The following AKAP13 variants were observed in gnomAD, a reference collection of about 807,000 sequenced individuals.
The protein encoded by AKAP13 is A-kinase anchoring protein 13, also known as A-kinase anchor protein 13.
In AKAP13, 80 loss-of-function variants were observed where a neutral mutation model predicts 264.5. The ratio of observed to expected loss-of-function variants is 0.30; its 90% confidence interval spans 0.25 to 0.36. The LOEUF (loss-of-function observed/expected upper bound fraction) is 0.36, where lower values mean the gene tolerates loss of function less well. AKAP13 is among the 10% of genes least tolerant of loss of function. AKAP13 has a pLI of 1.00. For synonymous variants in AKAP13, 1,380 were observed against 1,250.2 expected (o/e 1.10, Z -2.19); for missense variants, 3,712 against 3,435.2 (o/e 1.08, Z -2.01).
intron 1 of AKAP13, among the ~76,000 whole-genome samples, chr15:85,436,472 A>G (rs2073301317): frequency 2.0e-5 from 3 of 146,508 alleles, no homozygotes; most frequent in South Asian, 2.3e-4. Context: ...CGGACCTAAT[A>G]GACATCTACA....
intron 4 of AKAP13, chr15:85,536,954 G>A (rs1027985442): frequency 2.0e-5 from 3 of 152,044 alleles, no homozygotes; most frequent in Non-Finnish European, 4.4e-5. Flanking sequence ...ATCCCCTAAA[G>A]GTGAATTTTA....
chr15:85,544,307 A>T (rs1323698255), intron 5 of AKAP13, among the ~76,000 whole-genome samples: 1 of 152,220 alleles, frequency 6.6e-6, no homozygotes, highest in African/African-American at 2.4e-5. Flanking sequence ...TACAAGAGGA[A>T]ACAGATTTCC....
intron 10 of AKAP13, chr15:85,651,379 G>A (rs1368616415): frequency 2.0e-5 from 3 of 152,060 alleles, no homozygotes; most frequent in African/African-American, 7.2e-5. Flanking sequence ...AATTCTTTGA[G>A]GCAAGTTACA....
intron 14 of AKAP13, among the ~76,000 whole-genome samples, chr15:85,676,537 A>G (rs1196289303): frequency 6.6e-6 from 1 of 152,206 alleles, no homozygotes; most frequent in Admixed American, 6.5e-5. Context: ...ATGAGCCTAG[A>G]TCTAAACAGA....
intron 25 of AKAP13, 61 bp downstream of exon 25, chr15:85,722,408 G>C: frequency 7.4e-7 from 1 of 1,357,966 alleles, no homozygotes; most frequent in Non-Finnish European, 1.0e-6. Context: ...GTGGCCAGTA[G>C]TACTGGAAGC....
intron 8 of AKAP13, among the ~76,000 whole-genome samples, chr15:85,628,064 C>G (rs548736209): frequency 3.2e-4 from 49 of 152,280 alleles, no homozygotes; most frequent in African/African-American, 1.0e-3. Flanking sequence ...TTGTATTACA[C>G]AAATTAATCA....
At chr15:85,387,595 G>GCCTGTA (rs2070640537) in intron 1 of AKAP13, among the ~76,000 whole-genome samples, 1 of 152,168 alleles carries the variant, frequency 6.6e-6, no homozygotes, top group Admixed American at 6.5e-5. Context: ...AAAGTGTAGG[G>GCCTGTA]ATTACAGGCA....
At chr15:85,483,743 A>G (rs35570291) in intron 1 of AKAP13, among the ~76,000 whole-genome samples, 37,007 of 150,634 alleles carry the variant, frequency 0.25, 5,969 homozygotes, top group Middle Eastern at 0.41. Context: ...CCCAGAAGGC[A>G]GAGGTTGCAG....
intron 3 of AKAP13, among the ~76,000 whole-genome samples, chr15:85,524,435 A>G (rs2151165211): frequency 6.6e-6 from 1 of 151,904 alleles, no homozygotes; most frequent in Non-Finnish European, 1.5e-5. Flanking sequence ...CGGCCTCCCA[A>G]AGTGCTGGGA....
chr15:85,397,925 T>A (rs1283074666), intron 1 of AKAP13, among the ~76,000 whole-genome samples: 1 of 152,236 alleles, frequency 6.6e-6, no homozygotes, highest in Admixed American at 6.5e-5. Flanking sequence ...TAGTAAGTAC[T>A]CTACAAACCC....
At chr15:85,542,569 G>GA (rs1479766792) in intron 4 of AKAP13, among the ~76,000 whole-genome samples, 2 of 152,162 alleles carry the variant, frequency 1.3e-5, no homozygotes, top group Non-Finnish European at 2.9e-5. Context: ...AGACCCGTGG[G>GA]AGGCCATGAA....
chr15:85,493,639 A>G (rs776297584), intron 2 of AKAP13, among the ~76,000 whole-genome samples: 19 of 152,128 alleles, frequency 1.2e-4, no homozygotes, highest in Non-Finnish European at 1.3e-4. Context: ...TCCAGTCCTG[A>G]ATTATCTTAG....
Position 85,745,978 on chromosome 15 carries a change from G to A in AKAP13, c.*1301G>A, listed in dbSNP as rs983410074. On this transcript the variant is annotated 3_prime_UTR_variant, in exon 37 of 37. Coordinates refer to ENST00000394518, the MANE Select transcript of AKAP13 (RefSeq NM_007200.5). ...GCTTTGCTTTTGCTTTTCCCACCGT[G>A]TTTTCATCTTTGTTCACTTGAGGCT... The A allele has an allele frequency of 6.6e-6, 1 of 152,538 alleles. No homozygotes were observed. Among genetic ancestry groups the A allele is most frequent in the South Asian group, 2.1e-4 (1 of 4,828 alleles). The allele number at this position is 152,538 out of a possible 1,614,324, so 9.4% of individuals were successfully genotyped here. A position where few individuals can be genotyped will look rare whatever the true frequency, so the allele number is the denominator to read the frequency against.
At chr15:85,664,961 G>A (rs1258277480) in intron 13 of AKAP13, among the ~76,000 whole-genome samples, 1 of 152,124 alleles carries the variant, frequency 6.6e-6, no homozygotes. Flanking sequence ...AGTGCTTTGG[G>A]AGGTTGAGGC....
intron 8 of AKAP13, among the ~76,000 whole-genome samples, chr15:85,626,702 A>AT (rs1393980907): frequency 7.9e-5 from 12 of 152,228 alleles, no homozygotes; most frequent in Non-Finnish European, 1.8e-4. Context: ...TGTTATGAGC[A>AT]TTGGTATACA....
chr15:85,455,794 A>G (rs956030909), intron 1 of AKAP13, among the ~76,000 whole-genome samples: 11 of 152,122 alleles, frequency 7.2e-5, no homozygotes, highest in Admixed American at 5.9e-4. Context: ...AATAGATTAC[A>G]GATTGTTGAA....
At chr15:85,386,901 G>T (rs1455702621) in intron 1 of AKAP13, among the ~76,000 whole-genome samples, 1 of 151,996 alleles carries the variant, frequency 6.6e-6, no homozygotes, top group Non-Finnish European at 1.5e-5. Flanking sequence ...TTTAAAATCA[G>T]GTAGTGTGAG....
At chr15:85,681,914 G>T (rs956431366) in intron 14 of AKAP13, among the ~76,000 whole-genome samples, 10 of 152,082 alleles carry the variant, frequency 6.6e-5, no homozygotes, top group African/African-American at 2.4e-4. Context: ...AGTCTTTTTA[G>T]TTACTTGAAT....
intron 5 of AKAP13, among the ~76,000 whole-genome samples, chr15:85,571,861 C>A (rs918704246): frequency 2.0e-5 from 3 of 152,152 alleles, no homozygotes; most frequent in African/African-American, 7.2e-5. Flanking sequence ...TGGGAAGATA[C>A]TTGCAATGAC....
Sources: allele counts gnomAD v4.1 joint callset (sites outside exome capture counted in the v4.1 genomes callset), GRCh38; gene constraint gnomAD v4.1.1; transcripts MANE v1.5; gene names NCBI Gene and HGNC (gene_info 2026-07-23, HGNC 2026-07-21).